The following C8orf34 variants were observed in gnomAD, a reference collection of about 807,000 sequenced individuals.
C8orf34 encodes uncharacterized protein C8orf34.
In C8orf34, 65 loss-of-function variants were observed where a neutral mutation model predicts 68.3. That is an observed-to-expected ratio of 0.95 (90% confidence interval 0.78 to 1.17). C8orf34 has a LOEUF of 1.17. C8orf34 is among the 50% of genes most tolerant of loss of function. The probability of loss-of-function intolerance (pLI) is 0.00; values close to 1 mark genes in which losing one functional copy is unlikely to be tolerated. For missense variants in C8orf34, 664 were observed against 655.4 expected (o/e 1.01, Z -0.14); for synonymous variants, 244 against 241.2 (o/e 1.01, Z -0.11).
At chr8:68,335,946 G>C (rs1008862618) in intron 1 of C8orf34, among the ~76,000 whole-genome samples, 4 of 152,006 alleles carry the variant, frequency 2.6e-5, no homozygotes, top group Non-Finnish European at 4.4e-5. Flanking sequence ...AATTAACCAG[G>C]CATGGTGATG....
At chr8:68,522,558 C>T (rs1814800552) in intron 6 of C8orf34, among the ~76,000 whole-genome samples, 1 of 152,008 alleles carries the variant, frequency 6.6e-6, no homozygotes. Context: ...TACTTAGACC[C>T]CTAATGCTCA....
intron 7 of C8orf34, among the ~76,000 whole-genome samples, chr8:68,540,374 G>A (rs1815653022): frequency 6.7e-6 from 1 of 149,216 alleles, no homozygotes; most frequent in African/African-American, 2.5e-5. Context: ...TTTTATCTCT[G>A]GCACTTAATG....
intron 12 of C8orf34, among the ~76,000 whole-genome samples, chr8:68,798,987 G>T (rs551668518): frequency 1.3e-5 from 2 of 152,110 alleles, no homozygotes; most frequent in Non-Finnish European, 2.9e-5. Flanking sequence ...ACATGTCTTT[G>T]TCATGTGCAA....
At chr8:68,442,515 C>T (rs550057861) in intron 2 of C8orf34, among the ~76,000 whole-genome samples, 1 of 152,000 alleles carries the variant, frequency 6.6e-6, no homozygotes, top group Non-Finnish European at 1.5e-5. Flanking sequence ...TGTGAGCAAA[C>T]TGCAGGTGAT....
chr8:68,611,021 C>G (rs929248858), intron 7 of C8orf34, among the ~76,000 whole-genome samples: 3 of 151,984 alleles, frequency 2.0e-5, no homozygotes, highest in Non-Finnish European at 4.4e-5. Flanking sequence ...TGTGCCATCA[C>G]CACGCCCAGC....
At chr8:68,799,975 G>A (rs1824283631) in intron 12 of C8orf34, among the ~76,000 whole-genome samples, 1 of 152,116 alleles carries the variant, frequency 6.6e-6, no homozygotes, top group Non-Finnish European at 1.5e-5. Flanking sequence ...GAAGAATACT[G>A]GTTACACTTG....
chr8:68,416,283 T>G (rs1378626361), intron 1 of C8orf34, among the ~76,000 whole-genome samples: 1 of 152,186 alleles, frequency 6.6e-6, no homozygotes, highest in Non-Finnish European at 1.5e-5. Flanking sequence ...CCTGATTTAT[T>G]TCTCTCCATA....
chr8:68,472,100 A>G (rs1812404150), intron 4 of C8orf34, among the ~76,000 whole-genome samples: 1 of 152,084 alleles, frequency 6.6e-6, no homozygotes. Flanking sequence ...CTTAAAGTCA[A>G]TCATAAACTG....
chr8:68,348,143 A>AT (rs376686151), intron 1 of C8orf34, among the ~76,000 whole-genome samples: 3 of 151,874 alleles, frequency 2.0e-5, no homozygotes, highest in African/African-American at 4.8e-5. Flanking sequence ...TTTGTGTATG[A>AT]TGTAAGGCAG....
At chr8:68,407,793 A>AT (rs1415578663) in intron 1 of C8orf34, among the ~76,000 whole-genome samples, 1 of 152,050 alleles carries the variant, frequency 6.6e-6, no homozygotes, top group Non-Finnish European at 1.5e-5. Context: ...TTCAGCTTAA[A>AT]TTTTTAAGAT....
chr8:68,561,490 C>T (rs1460933661), intron 7 of C8orf34, among the ~76,000 whole-genome samples: 1 of 152,152 alleles, frequency 6.6e-6, no homozygotes, highest in Non-Finnish European at 1.5e-5. Flanking sequence ...GGCGCAGCAG[C>T]TCACGCTTGT....
intron 6 of C8orf34, among the ~76,000 whole-genome samples, chr8:68,528,999 A>G (rs868040779): frequency 6.6e-6 from 1 of 152,126 alleles, no homozygotes. Context: ...CTTACTCTAA[A>G]TCACCCATGT....
chr8:68,756,555 G>A (rs988727058), intron 10 of C8orf34, among the ~76,000 whole-genome samples: 1 of 151,908 alleles, frequency 6.6e-6, no homozygotes, highest in Non-Finnish European at 1.5e-5. Flanking sequence ...ATGGAAAGGA[G>A]GTACTCAAAG....
At chr8:68,338,326 C>A (rs969048890) in intron 1 of C8orf34, among the ~76,000 whole-genome samples, 1 of 152,150 alleles carries the variant, frequency 6.6e-6, no homozygotes, top group Admixed American at 6.5e-5. Context: ...GAAGGGGCCA[C>A]ATTCAAACCA....
intron 10 of C8orf34, among the ~76,000 whole-genome samples, chr8:68,744,102 A>G (rs1328829104): frequency 6.6e-6 from 1 of 152,210 alleles, no homozygotes; most frequent in Non-Finnish European, 1.5e-5. Context: ...CCTAACTGGG[A>G]GGTACCACCC....
chr8:68,784,808 G>GTGTGTGTA (rs373538867), intron 11 of C8orf34, among the ~76,000 whole-genome samples: 69 of 151,484 alleles, frequency 4.6e-4, no homozygotes, highest in African/African-American at 1.2e-3. Flanking sequence ...GTGTATGTGT[G>GTGTGTGTA]TGTGTGTGTG....
At chr8:68,597,667 A>G (rs1817586559) in intron 7 of C8orf34, among the ~76,000 whole-genome samples, 1 of 152,044 alleles carries the variant, frequency 6.6e-6, no homozygotes. Flanking sequence ...GAAGAACCCC[A>G]AAGGGACTAT....
intron 7 of C8orf34, among the ~76,000 whole-genome samples, chr8:68,612,828 CTT>C (rs1464549002): frequency 6.6e-6 from 1 of 151,958 alleles, no homozygotes; most frequent in East Asian, 1.9e-4. Context: ...TGACATGGTT[CTT>C]TTTGAGAATC....
rs188917322 is a variant in C8orf34 at position 68,785,838 on chromosome 8, C to T, written c.1456-1605C>T. Among the ~76,000 whole-genome samples the T allele has an allele frequency of 4.6e-5, 7 of 152,270 alleles. No individual in the cohort carries two copies. The East Asian group carries it at 1.4e-3, about 29-fold the overall frequency. On this transcript the variant is annotated intron_variant, in intron 11 of 13. Transcript: ENST00000518698. The stretch of plus-strand genomic sequence containing the variant: ...TCCTGTGCATCACACAACCAACCCA[C>T]CACTCCACTTCCAAACTTCTGGAAA...
Sources: allele counts gnomAD v4.1 joint callset (sites outside exome capture counted in the v4.1 genomes callset), GRCh38; gene constraint gnomAD v4.1.1; transcripts MANE v1.5; gene names NCBI Gene and HGNC (gene_info 2026-07-23, HGNC 2026-07-21).